NCEH1: variants seen among roughly 807,000 people sequenced by gnomAD.
NCEH1 encodes the protein neutral cholesterol ester hydrolase 1, also known as 2-acetyl MAGE hydrolase.
NCEH1 carries 9 observed loss-of-function variants against 25.4 expected under a neutral mutation model. The observed-to-expected ratio is 0.35, with a 90% CI of 0.21 to 0.62. The LOEUF is 0.62. Among genes scored for constraint, NCEH1 ranks in the 20% least tolerant of loss-of-function variants. NCEH1 has a pLI of 0.72. For synonymous variants in NCEH1, 200 were observed against 199.8 expected (o/e 1.00, Z -0.01); for missense variants, 412 against 501.1 (o/e 0.82, Z 1.70).
intron 1 of NCEH1, among the ~76,000 whole-genome samples, chr3:172,689,404 G>A (rs1265936751): frequency 2.0e-5 from 3 of 151,074 alleles, no homozygotes; most frequent in African/African-American, 4.9e-5. Flanking sequence ...GACTACAAGC[G>A]CCCGCCTAAT....
rs1023349371 is a variant in NCEH1, at chr3:172,632,952, T to C, written c.*523A>G. ...TCTTTCCAGAAAACCTTTGCCAAAA[T>C]TCCCATAGGAAACAAAACCATCCAT... On this transcript the variant is annotated 3_prime_UTR_variant, in exon 5 of 5. Coordinates refer to ENST00000475381, the MANE Select transcript of NCEH1 (RefSeq NM_020792.6). 2 of 152,746 alleles carry C rather than the reference T, an allele frequency of 1.3e-5. No homozygotes were observed. The highest frequency in any genetic ancestry group is 4.8e-5 in the African/African-American group (2 of 41,468). The allele number at this position is 152,746 out of a possible 1,614,324, so 9.5% of individuals were successfully genotyped here.
chr3:172,650,869 G>A (rs978131344), intron 1 of NCEH1, among the ~76,000 whole-genome samples: 2 of 148,624 alleles, frequency 1.3e-5, no homozygotes, highest in African/African-American at 2.5e-5. Context: ...TAAAAGACAG[G>A]AATATGAAAG....
At chr3:172,652,511 G>A (rs1281701285) in intron 1 of NCEH1, among the ~76,000 whole-genome samples, 1 of 152,188 alleles carries the variant, frequency 6.6e-6, no homozygotes, top group Non-Finnish European at 1.5e-5. Context: ...CCTCAGCACT[G>A]TATAAGATCC....
chr3:172,673,909 G>C (rs983359570), intron 1 of NCEH1, among the ~76,000 whole-genome samples: 1 of 152,182 alleles, frequency 6.6e-6, no homozygotes, highest in Non-Finnish European at 1.5e-5. Flanking sequence ...TGCAGCCGAT[G>C]AAAGTCCTTA....
At chr3:172,687,464 C>T (rs1001479236) in intron 1 of NCEH1, among the ~76,000 whole-genome samples, 4 of 152,126 alleles carry the variant, frequency 2.6e-5, no homozygotes. Context: ...CCATTTGCAA[C>T]ACTTGTAAAA....
intron 1 of NCEH1, among the ~76,000 whole-genome samples, chr3:172,650,250 C>A (rs1042522750): frequency 6.6e-6 from 1 of 152,292 alleles, no homozygotes; most frequent in East Asian, 1.9e-4. Context: ...TGCCTATAAT[C>A]TCAGCACTTT....
At chr3:172,651,013 A>G (rs1717380848) in intron 1 of NCEH1, among the ~76,000 whole-genome samples, 1 of 152,106 alleles carries the variant, frequency 6.6e-6, no homozygotes, top group Admixed American at 6.6e-5. Context: ...GAAAATTGAT[A>G]TGAACAGTAA....
intron 1 of NCEH1, among the ~76,000 whole-genome samples, chr3:172,702,890 G>A (rs1351845611): frequency 6.6e-6 from 1 of 152,172 alleles, no homozygotes; most frequent in Non-Finnish European, 1.5e-5. Context: ...TACTCAAAAG[G>A]CTGAGGCAGG....
intron 1 of NCEH1, among the ~76,000 whole-genome samples, chr3:172,703,683 G>C (rs1002013724): frequency 6.6e-6 from 1 of 152,088 alleles, no homozygotes; most frequent in Non-Finnish European, 1.5e-5. Flanking sequence ...GTAGAAATAG[G>C]ATGTCCCATT....
Position 172,633,365 on chromosome 3 carries a change from G to A in NCEH1, c.*110C>T, listed in dbSNP as rs773478888. On this transcript the variant is annotated 3_prime_UTR_variant, in exon 5 of 5. Transcript: ENST00000475381. ...TTATGGAATAGAAATTCCATAACTC[G>A]CAAGTAGAGGGGAATGGGAGGAAGA... 7.8e-6 allele frequency: 8 copies of A among 1,026,504 alleles called. No homozygotes were observed. Among genetic ancestry groups the A allele is most frequent in the Admixed American group, 2.4e-5 (1 of 41,274 alleles). The allele number at this position is 1,026,504 out of a possible 1,614,324, so 63.6% of individuals were successfully genotyped here. A position where few individuals can be genotyped will look rare whatever the true frequency, so the allele number is the denominator to read the frequency against.
At chr3:172,687,539 TCA>T (rs2108525560) in intron 1 of NCEH1, among the ~76,000 whole-genome samples, 1 of 152,326 alleles carries the variant, frequency 6.6e-6, no homozygotes, top group East Asian at 1.9e-4. Flanking sequence ...AGAATATAGG[TCA>T]TAAACTCATG....
At chr3:172,672,696 C>T (rs192929512) in intron 1 of NCEH1, among the ~76,000 whole-genome samples, 82 of 152,184 alleles carry the variant, frequency 5.4e-4, no homozygotes, top group African/African-American at 1.9e-3. Context: ...AGGAGGAGGC[C>T]CAAAAGAAAG....
At chr3:172,674,443 CAAAAAA>C (rs146923940) in intron 1 of NCEH1, among the ~76,000 whole-genome samples, 2 of 71,048 alleles carry the variant, frequency 2.8e-5, no homozygotes, top group Non-Finnish European at 3.0e-5. Flanking sequence ...ACTCTGTCTC[CAAAAAA>C]AAAAAAAAAA....
rs111325954 is a variant in NCEH1, at chr3:172,659,334, G to T, written c.139-11220C>A. On this transcript the variant is annotated intron_variant, in intron 1 of 4. Transcript: ENST00000475381. ...AAGCAAGTATAAAGGAATTGATCTG[G>T]TTAAGTTAGTTTACTTGGGCCTCAG... Among the ~76,000 whole-genome samples the T allele has an allele frequency of 3.3e-3, 503 of 152,302 alleles. 2 individuals are homozygous for T. The highest frequency in any genetic ancestry group is 5.5e-3 in the Non-Finnish European group (377 of 68,040).
chr3:172,705,108 G>A (rs1186959060), intron 1 of NCEH1, among the ~76,000 whole-genome samples: 1 of 152,218 alleles, frequency 6.6e-6, no homozygotes, highest in Non-Finnish European at 1.5e-5. Context: ...ATGCACATCA[G>A]TTCCACTTTA....
Position 172,711,022 on chromosome 3 carries a change from G to A in NCEH1, c.-38C>T, listed in dbSNP as rs747033845. 7 of 1,613,748 alleles carry A rather than the reference G, an allele frequency of 4.3e-6. No homozygotes were observed. Among genetic ancestry groups the A allele is most frequent in the Non-Finnish European group, 5.1e-6 (6 of 1,179,964 alleles). On this transcript the variant is annotated 5_prime_UTR_variant, in exon 1 of 5. Coordinates refer to ENST00000475381, the MANE Select transcript of NCEH1 (RefSeq NM_020792.6). ...CGGCTCGCCAGCGGGCTGGCAAAGA[G>A]GAAAGGGCGATACCACCCGGAGACC... is the stretch of plus-strand genomic sequence containing the variant.
In NCEH1 at chr3:172,672,230, C is replaced by T. The variant is rs143118768; in HGVS notation, c.139-24116G>A. Among the ~76,000 whole-genome samples the T allele has an allele frequency of 1.7e-3, 264 of 152,308 alleles. 3 individuals carry two copies. The highest frequency in any genetic ancestry group is 5.9e-3 in the African/African-American group (246 of 41,560). On this transcript the variant is annotated intron_variant, in intron 1 of 4. Coordinates refer to ENST00000475381, the MANE Select transcript of NCEH1 (RefSeq NM_020792.6). ...TTAGATCTACAAATACTTACCACTGCATTATAATTGCCTACATGTTGAGTA... is the reference window on the plus strand; with the variant it reads ...TTAGATCTACAAATACTTACCACTGTATTATAATTGCCTACATGTTGAGTA...
At chr3:172,697,964 A>C (rs987752267) in intron 1 of NCEH1, among the ~76,000 whole-genome samples, 1 of 150,286 alleles carries the variant, frequency 6.7e-6, no homozygotes, top group African/African-American at 2.5e-5. Flanking sequence ...ACTTTCTAAA[A>C]GCAGAATTTT....
intron 1 of NCEH1, among the ~76,000 whole-genome samples, chr3:172,706,492 C>T (rs1713993543): frequency 6.9e-6 from 1 of 144,840 alleles, no homozygotes; most frequent in South Asian, 2.2e-4. Flanking sequence ...ACTGTTCTTA[C>T]ATTTTTCTTT....
Sources: gnomAD v4.1 joint callset for allele counts (sites outside exome capture counted in the v4.1 genomes callset) on GRCh38, gnomAD v4.1.1 for gene constraint, MANE v1.5 for transcripts, NCBI Gene and HGNC (gene_info 2026-07-23, HGNC 2026-07-21) for gene names.